TASP1: variants seen among roughly 807,000 people sequenced by gnomAD.
TASP1 encodes the protein threonine aspartase 1.
TASP1 carries 16 observed loss-of-function variants against 56.6 expected under a neutral mutation model. That is an observed-to-expected ratio of 0.28 (90% CI 0.19 to 0.43). TASP1 has a LOEUF of 0.43. Ranked by LOEUF, TASP1 falls within the 20% of genes least tolerant of loss-of-function variation. The pLI, the probability that TASP1 is intolerant of heterozygous loss-of-function variation, is 1.00. For missense variants in TASP1, 393 were observed against 511.6 expected, an observed-to-expected ratio of 0.77 and a Z score of 2.24; for synonymous variants, 179 against 184.2, an observed-to-expected ratio of 0.97 and a Z score of 0.23.
the TASP1 span, among the ~76,000 whole-genome samples, chr20:13,328,456 G>A: frequency 6.6e-6 from 1 of 152,106 alleles, no homozygotes; most frequent in Non-Finnish European, 1.5e-5. Context: ...CCATTACTGG[G>A]TATATACCCC....
intron 10 of TASP1, among the ~76,000 whole-genome samples, chr20:13,489,575 C>T (rs6131482): frequency 0.2 from 30,399 of 151,870 alleles, 3,300 homozygotes; most frequent in Middle Eastern, 0.27. Context: ...CTGCTGAGGA[C>T]GGCAGGAGGG....
the TASP1 span, among the ~76,000 whole-genome samples, chr20:13,351,727 T>C: frequency 6.6e-6 from 1 of 152,214 alleles, no homozygotes; most frequent in African/African-American, 2.4e-5. Context: ...CTTATATCTA[T>C]ACTTGTAGCA....
intron 6 of TASP1, among the ~76,000 whole-genome samples, chr20:13,576,477 A>G (rs959816320): frequency 1.3e-5 from 2 of 152,158 alleles, no homozygotes; most frequent in Non-Finnish European, 2.9e-5. Context: ...CAATATGTTA[A>G]AATCAATCAC....
rs754975565 is a variant in TASP1, at chr20:13,435,146, A to T, written c.994T>A (p.Phe332Ile). 1.2e-6 allele frequency: 2 copies of T among 1,603,434 alleles called. No individual in the cohort carries two copies. The highest frequency in any genetic ancestry group is 1.7e-6 in the Non-Finnish European group (2 of 1,174,726). Residue 332 changes from phenylalanine to isoleucine, a missense_variant, in exon 12 of 14, where the codon TTC (phenylalanine) becomes ATC (isoleucine). Phe to Ile is a conservative substitution (Grantham distance 21). Around this residue, in one of 3 missense-constraint regions of TASP1, gnomAD observed 293 missense variants for 354.2 expected, o/e 0.83. Transcript: ENST00000337743. ...TMQNKFISSP[F>I]LASEDGVLGG... ...AGCACGCCATCTTCACTGGCAAGGA[A>T]AGGTGAACCTAGGCAGAAAGGACTA...
At chr20:13,587,145 C>CT in intron 5 of TASP1, 105 bp downstream of exon 5, 1 of 1,354,734 alleles carries the variant, frequency 7.4e-7, no homozygotes, top group Non-Finnish European at 9.9e-7. Context: ...GTTTTAAACA[C>CT]TATTCCAAGC....
chr20:13,554,020 T>G (rs2046070032), intron 8 of TASP1, among the ~76,000 whole-genome samples: 1 of 152,116 alleles, frequency 6.6e-6, no homozygotes, highest in South Asian at 2.1e-4. Flanking sequence ...CCAGAAAAAT[T>G]TTGAATCCCA....
chr20:13,557,922 C>T (rs1374807449), intron 8 of TASP1, among the ~76,000 whole-genome samples: 2 of 152,086 alleles, frequency 1.3e-5, no homozygotes, highest in African/African-American at 4.8e-5. Flanking sequence ...TTCACCCACA[C>T]ATCACATCCG....
the TASP1 span, among the ~76,000 whole-genome samples, chr20:13,135,806 GA>G: frequency 6.6e-6 from 1 of 152,180 alleles, no homozygotes; most frequent in African/African-American, 2.4e-5. Context: ...ATGGCTATAA[GA>G]AAAATCATAA....
At chr20:13,638,707 CCAA>C (rs2049403676) in intron 1 of TASP1, among the ~76,000 whole-genome samples, 184 bp downstream of exon 1, 2 of 152,170 alleles carry the variant, frequency 1.3e-5, no homozygotes, top group African/African-American at 4.8e-5. Context: ...CCTAGAGCGA[CCAA>C]GACTAGGGAA....
chr20:13,164,797 A>G, the TASP1 span: 6 of 1,613,740 alleles, frequency 3.7e-6, no homozygotes, highest in African/African-American at 8.0e-5. Context: ...TTGCAACTGA[A>G]ATATTCCCGG....
chr20:13,531,864 A>G (rs907109264), intron 9 of TASP1, among the ~76,000 whole-genome samples: 3 of 152,140 alleles, frequency 2.0e-5, no homozygotes, highest in Non-Finnish European at 2.9e-5. Flanking sequence ...GGGTGTCACC[A>G]TGTTGGCCAA....
chr20:13,112,511 C>A, the TASP1 span, among the ~76,000 whole-genome samples: 1 of 152,158 alleles, frequency 6.6e-6, no homozygotes, highest in African/African-American at 2.4e-5. Flanking sequence ...TAGACCCTAC[C>A]CCCTGATGGA....
the TASP1 span, among the ~76,000 whole-genome samples, chr20:13,109,805 G>A: frequency 1.3e-5 from 2 of 152,180 alleles, no homozygotes; most frequent in Non-Finnish European, 2.9e-5. Flanking sequence ...CCTAAGAGAT[G>A]CATTTAACGT....
At chr20:13,385,549 T>G (rs1287743201), downstream of TASP1, among the ~76,000 whole-genome samples, 1 of 152,172 alleles carries the variant, frequency 6.6e-6, no homozygotes, top group Non-Finnish European at 1.5e-5. Flanking sequence ...GTGGAGGGCC[T>G]AAAAACCCTA....
intron 6 of TASP1, among the ~76,000 whole-genome samples, chr20:13,572,936 G>A (rs1009114981): frequency 3.9e-5 from 6 of 151,984 alleles, no homozygotes; most frequent in South Asian, 2.1e-4. Context: ...AGGAACCCCC[G>A]TAATCAAAAT....
At chr20:13,383,934 A>T in the TASP1 span, among the ~76,000 whole-genome samples, 1 of 152,094 alleles carries the variant, frequency 6.6e-6, no homozygotes, top group Non-Finnish European at 1.5e-5. Context: ...GAGTGCACAG[A>T]AGGATGGAGC....
intron 1 of TASP1, among the ~76,000 whole-genome samples, chr20:13,632,291 G>C (rs538317950): frequency 6.7e-6 from 1 of 149,980 alleles, no homozygotes; most frequent in Admixed American, 6.7e-5. Context: ...ACTGGGACCC[G>C]GGAGGCGAGG....
the TASP1 span, among the ~76,000 whole-genome samples, chr20:13,315,991 A>G: frequency 3.3e-5 from 5 of 151,996 alleles, no homozygotes; most frequent in Non-Finnish European, 5.9e-5. Flanking sequence ...GGATGAGGCA[A>G]AAGTAGTGCT....
At chr20:13,306,564 C>CAAAAAAAAAAAAAAAAAAAAGAA in the TASP1 span, among the ~76,000 whole-genome samples, 1 of 63,914 alleles carries the variant, frequency 1.6e-5, no homozygotes, top group Non-Finnish European at 2.6e-5. Context: ...GGAGAAAGGA[C>CAAAAAAAAAAAAAAAAAAAAGAA]AAAAAAAAAA....
Sources: allele counts gnomAD v4.1 joint callset (sites outside exome capture counted in the v4.1 genomes callset), GRCh38; gene constraint gnomAD v4.1.1; regional missense constraint gnomAD v4.1.1; transcripts MANE v1.5; gene names NCBI Gene and HGNC (gene_info 2026-07-23, HGNC 2026-07-21).